The following CRMP1 variants were observed in gnomAD, a reference collection of about 807,000 sequenced individuals.
CRMP1 encodes the protein collapsin response mediator protein 1, also known as dihydropyrimidinase-related protein 1.
CRMP1 carries 19 observed loss-of-function variants against 68.3 expected under a neutral mutation model. The ratio of observed to expected loss-of-function variants is 0.28; its 90% CI spans 0.19 to 0.41. CRMP1 has a LOEUF of 0.41. Ranked by LOEUF, CRMP1 falls within the 10% of genes least tolerant of loss-of-function variation. The probability of loss-of-function intolerance (pLI) is 1.00; values close to 1 mark genes in which losing one functional copy is unlikely to be tolerated. For synonymous variants in CRMP1, 439 were observed against 399.6 expected, an observed-to-expected ratio of 1.10 and a Z score of -1.18; for missense variants, 791 against 967.4, an observed-to-expected ratio of 0.82 and a Z score of 2.42.
At position 5,877,213 on chromosome 4, in the gene CRMP1, C is replaced by A. The variant is rs541701998; in HGVS notation, c.382-10457G>T. Among the ~76,000 whole-genome samples the A allele has an allele frequency of 3.5e-4, 53 of 152,340 alleles. No individual in the cohort carries two copies. The highest frequency in any genetic ancestry group is 6.9e-4 in the Non-Finnish European group (47 of 68,038). On this transcript the variant is annotated intron_variant, in intron 1 of 13. Transcript: ENST00000324989. The surrounding 1 kb of genome is among the most constrained non-coding windows in gnomAD (Gnocchi z 4.3). ...GTTGAGCCCTGCTAAGCATCTACCA[C>A]CCACAAACCTATTGCCATAAATAAA...
chr4:5,839,577 G>T lies in CRMP1; in HGVS notation c.1255C>A (p.Pro419Thr). 1 of 1,612,740 alleles carries T rather than the reference G, an allele frequency of 6.2e-7. No homozygotes were observed. Among genetic ancestry groups the T allele is most frequent in the East Asian group, 2.2e-5 (1 of 44,860 alleles). ...GTGGTAGGGTCCGGGCTCAGGGGAG[G>T]GGAAGTCACGAACGCCGCAGCCTTG... ...WAKAAAFVTS[P>T]PLSPDPTTPD... Residue 419 changes from proline to threonine, a missense_variant, in exon 9 of 14, where the codon CCT (proline) becomes ACT (threonine). This residue lies in a region of CRMP1 where 594 missense variants were observed against 763.6 expected (regional missense o/e 0.78). Transcript: ENST00000324989.
rs768065825 is a variant in CRMP1 at position 5,839,566 on chromosome 4, G to A, written c.1266C>T (p.Ser422=). ...AAAFVTSPPL[S]PDPTTPDYLT... is the part of the protein sequence containing the mutation. ...AGTAGTCGGGCGTGGTAGGGTCCGG[G>A]CTCAGGGGAGGGGAAGTCACGAACG... The change falls in exon 9 of 14, where the codon AGC becomes AGT. Residue 422 remains serine (S), a synonymous_variant. Coordinates refer to ENST00000324989, the MANE Select transcript of CRMP1 (RefSeq NM_001014809.3). 1.9e-6 allele frequency: 3 copies of A among 1,612,290 alleles called. No individual in the cohort carries two copies. Among genetic ancestry groups the A allele is most frequent in the African/African-American group, 2.7e-5 (2 of 75,034 alleles).
intron 1 of CRMP1, among the ~76,000 whole-genome samples, chr4:5,876,632 G>A (rs1714853947): frequency 6.6e-6 from 1 of 152,184 alleles, no homozygotes. Context: ...CAAAGGAAAT[G>A]TCAAGGTGGG....
chr4:5,844,855 C>T (rs1306412250), intron 6 of CRMP1, among the ~76,000 whole-genome samples: 2 of 152,206 alleles, frequency 1.3e-5, no homozygotes, highest in African/African-American at 2.4e-5. Flanking sequence ...AGGTATATAC[C>T]AGCTAAAGAT....
Position 5,861,439 on chromosome 4 carries a change from G to A in CRMP1, c.471-229C>T, listed in dbSNP as rs114572973. ...AGAGCCCAGTATAGCAGAGATGATC[G>A]GGGGCACGAGGAGGGGCCCTTTCAT... is the stretch of plus-strand genomic sequence containing the variant. On this transcript the variant is annotated intron_variant, in intron 2 of 13. Transcript: ENST00000324989. This position sits in a 1 kb window ranked among gnomAD's most constrained non-coding sequence, Gnocchi z 6.0. 4.3e-3 allele frequency among the ~76,000 whole-genome samples: 660 copies of A among 152,226 alleles called. 5 individuals carry two copies. The highest frequency in any genetic ancestry group is 0.015 in the African/African-American group (617 of 41,524).
intron 8 of CRMP1, among the ~76,000 whole-genome samples, chr4:5,840,005 C>G (rs1362914205): frequency 6.6e-6 from 1 of 152,202 alleles, no homozygotes; most frequent in Non-Finnish European, 1.5e-5. Context: ...CATGGAGACA[C>G]GATTTACTCT....
intron 6 of CRMP1, 46 bp downstream of exon 6, chr4:5,849,346 G>A: frequency 6.8e-7 from 1 of 1,476,406 alleles, no homozygotes; most frequent in Middle Eastern, 1.7e-4. Flanking sequence ...TTTGCAACAA[G>A]GAGAATCAGA....
chr4:5,866,596 C>T lies in CRMP1; in HGVS notation c.470+72G>A. ...CCGTCATTCTAGGACAGAATGCCAGCCTTCTGTTCCATCTAAGGCCAGGCA... is the reference window on the plus strand; with the variant it reads ...CCGTCATTCTAGGACAGAATGCCAGTCTTCTGTTCCATCTAAGGCCAGGCA... On this transcript the variant is annotated intron_variant, in intron 2 of 13. Transcript: ENST00000324989. The surrounding 1 kb of genome is among the most constrained non-coding windows in gnomAD (Gnocchi z 5.9). 2 of 1,096,794 alleles carry T rather than the reference C, an allele frequency of 1.8e-6. No homozygotes were observed. Among genetic ancestry groups the T allele is most frequent in the Non-Finnish European group, 1.4e-6 (1 of 730,006 alleles). 67.9% of individuals were successfully genotyped at this position (1,096,794 alleles called of 1,614,324 possible).
intron 2 of CRMP1, among the ~76,000 whole-genome samples, chr4:5,863,899 C>T (rs1713782127): frequency 6.6e-6 from 1 of 152,194 alleles, no homozygotes; most frequent in Non-Finnish European, 1.5e-5. Context: ...AGAATAAACA[C>T]CCAAGGGCCC....
At chr4:5,864,081 C>T (rs772870945) in intron 2 of CRMP1, among the ~76,000 whole-genome samples, 6 of 152,168 alleles carry the variant, frequency 3.9e-5, no homozygotes, top group Non-Finnish European at 8.8e-5. Flanking sequence ...CCTGGTTAGC[C>T]GGAGTCCTAG....
At position 5,889,756 on chromosome 4, in the gene CRMP1, C is replaced by A; in HGVS notation, c.381+2833G>T. ...TGGCCTAGGCTTGGTACAGCTCCCC[C>A]AGCACTGTGGTTGGGGGCTGGGGCC... is the stretch of plus-strand genomic sequence containing the variant. On this transcript the variant is annotated intron_variant, in intron 1 of 13. Transcript: ENST00000324989. The surrounding 1 kb of genome is among the most constrained non-coding windows in gnomAD (Gnocchi z 4.5). The A allele has an allele frequency of 1.2e-5, 19 of 1,534,636 alleles. No individual in the cohort carries two copies. In the Admixed American group the frequency reaches 3.7e-4, roughly 30 times the overall value.
At position 5,890,214 on chromosome 4, in the gene CRMP1, G is replaced by C. The variant is rs1715876509; in HGVS notation, c.381+2375C>G. On this transcript the variant is annotated intron_variant, in intron 1 of 13. Coordinates refer to ENST00000324989, the MANE Select transcript of CRMP1 (RefSeq NM_001014809.3). This position sits in a 1 kb window ranked among gnomAD's most constrained non-coding sequence, Gnocchi z 5.5. ...CAGGGCGTTCCCTGGGGTCAGTCTG[G>C]AGATCTGAGCAGAAAGCCCCTACAG... 6.1e-6 allele frequency: 1 copy of C among 162,668 alleles called. No individual in the cohort carries two copies. The highest frequency in any genetic ancestry group is 1.4e-5 in the Non-Finnish European group (1 of 73,568). The allele number at this position is 162,668 out of a possible 1,614,324, so 10.1% of individuals were successfully genotyped here.
chr4:5,828,055 CA>C, intron 12 of CRMP1: 1 of 985,416 alleles, frequency 1.0e-6, no homozygotes, highest in African/African-American at 1.7e-5. Context: ...TGCAAGATGC[CA>C]GGGGTAACAC....
rs146986687 is a variant in CRMP1, at chr4:5,849,347, G to C, written c.963+45C>G. 5.3e-4 allele frequency: 788 copies of C among 1,479,496 alleles called. 9 individuals carry two copies. In the East Asian group the frequency reaches 0.015, roughly 28 times the overall value. 91.6% of individuals were successfully genotyped at this position (1,479,496 alleles called of 1,614,324 possible). ...CTTTTATCAAACCTTTTGCAACAAG[G>C]AGAATCAGACTGAGGTAGAAGGAGT... is the stretch of plus-strand genomic sequence containing the variant. On this transcript the variant is annotated intron_variant, in intron 6 of 13. Transcript: ENST00000324989.
At chr4:5,857,115 A>ATCATCACC in intron 3 of CRMP1, among the ~76,000 whole-genome samples, 1 of 139,476 alleles carries the variant, frequency 7.2e-6, no homozygotes, top group Admixed American at 7.2e-5. Flanking sequence ...CCACCACCAC[A>ATCATCACC]ATCATCACCA....
chr4:5,837,114 C>G (rs1349239833), intron 9 of CRMP1, among the ~76,000 whole-genome samples: 1 of 152,170 alleles, frequency 6.6e-6, no homozygotes, highest in East Asian at 1.9e-4. Flanking sequence ...TTGCACGTTA[C>G]AAAGTGAGTA....
rs2152462935 is a variant in CRMP1 at position 5,850,711 on chromosome 4, CCTGGCTTGG to C, written c.882+688_882+696del. Among the ~76,000 whole-genome samples, 1 of 152,152 alleles carries C rather than the reference CCTGGCTTGG, an allele frequency of 6.6e-6. No individual in the cohort carries two copies. Among genetic ancestry groups the C allele is most frequent in the East Asian group, 1.9e-4 (1 of 5,174 alleles). ...GCTGCCCCTGGCTGCAGAGCAAGCA[CCTGGCTTGG>C]CTGTAGCCTCCATGATTTTCTCCAC... On this transcript the variant is annotated intron_variant, in intron 5 of 13. Transcript: ENST00000324989. The surrounding 1 kb of genome is among the most constrained non-coding windows in gnomAD (Gnocchi z 4.4).
At position 5,881,477 on chromosome 4, in the gene CRMP1, GC is replaced by G. The variant is rs1715216570; in HGVS notation, c.381+11111del. ...GCAACCATCACCATGCCCTCCCACT[GC>G]AGTGTGACTGTAGCTGTCTTACAGG... On this transcript the variant is annotated intron_variant, in intron 1 of 13. Coordinates refer to ENST00000324989, the MANE Select transcript of CRMP1 (RefSeq NM_001014809.3). The surrounding 1 kb of genome is among the most constrained non-coding windows in gnomAD (Gnocchi z 4.6). Among the ~76,000 whole-genome samples the G allele has an allele frequency of 6.6e-6, 1 of 152,258 alleles. No individual in the cohort carries two copies. The highest frequency in any genetic ancestry group is 2.4e-5 in the African/African-American group (1 of 41,552).
In CRMP1 at chr4:5,888,866, G is replaced by T. The variant is rs2152477479; in HGVS notation, c.381+3723C>A. On this transcript the variant is annotated intron_variant, in intron 1 of 13. Transcript: ENST00000324989. This position sits in a 1 kb window ranked among gnomAD's most constrained non-coding sequence, Gnocchi z 6.4. ...GAGTGTGGGACGGGGGCCAAGGATC[G>T]GCCCAAGCTGCTGGGAACGTTCTTG... Among the ~76,000 whole-genome samples, 1 of 151,954 alleles carries T rather than the reference G, an allele frequency of 6.6e-6. No homozygotes were observed. The highest frequency in any genetic ancestry group is 2.4e-5 in the African/African-American group (1 of 41,444).
Sources: gnomAD v4.1 joint callset for allele counts (sites outside exome capture counted in the v4.1 genomes callset) on GRCh38, gnomAD v4.1.1 for gene constraint, gnomAD v4.1.1 regional missense constraint, Gnocchi (gnomAD v3.1) non-coding constraint, MANE v1.5 for transcripts, NCBI Gene and HGNC (gene_info 2026-07-23, HGNC 2026-07-21) for gene names.